Variants in SLC2A9 observed in about 807,000 individuals in gnomAD.
The protein encoded by SLC2A9 is solute carrier family 2, facilitated glucose transporter member 9.
In SLC2A9, 39 loss-of-function variants were observed where a neutral mutation model predicts 50.6. The observed-to-expected ratio is 0.77, with a 90% CI of 0.60 to 1.01. The LOEUF (loss-of-function observed/expected upper bound fraction) is 1.01. Among genes scored for constraint, SLC2A9 ranks in the 50% least tolerant of loss-of-function variants. The probability of loss-of-function intolerance (pLI) is 0.00; values close to 1 mark genes in which losing one functional copy is unlikely to be tolerated. For missense variants in SLC2A9, 686 were observed against 677.6 expected, an observed-to-expected ratio of 1.01 and a Z score of -0.14; for synonymous variants, 324 against 276.9, an observed-to-expected ratio of 1.17 and a Z score of -1.69.
intron 3 of SLC2A9, 34 bp downstream of exon 3, chr4:9,996,746 AG>A: frequency 1.9e-6 from 3 of 1,610,036 alleles, no homozygotes; most frequent in Non-Finnish European, 2.5e-6. Context: ...ATGAACATGG[AG>A]GGCACCCCCA....
At chr4:9,802,897 G>C (rs1485527216) in intron 3 of SLC2A9, among the ~76,000 whole-genome samples, 2 of 152,230 alleles carry the variant, frequency 1.3e-5, no homozygotes, top group East Asian at 3.9e-4. Context: ...CCTTATCCAG[G>C]AATATTTCCC....
intron 3 of SLC2A9, among the ~76,000 whole-genome samples, chr4:9,805,253 A>T (rs1721968642): frequency 6.6e-6 from 1 of 152,190 alleles, no homozygotes; most frequent in Admixed American, 6.5e-5. Context: ...CAACCTCTCC[A>T]TGGGACGCTG....
chr4:10,001,332 T>G (rs1759758604), intron 2 of SLC2A9, among the ~76,000 whole-genome samples: 1 of 152,150 alleles, frequency 6.6e-6, no homozygotes, highest in South Asian at 2.1e-4. Context: ...AATGTGGAGA[T>G]AGACAGGCAC....
At chr4:9,859,365 C>T (rs890001138) in intron 10 of SLC2A9, among the ~76,000 whole-genome samples, 2 of 152,176 alleles carry the variant, frequency 1.3e-5, no homozygotes, top group African/African-American at 4.8e-5. Flanking sequence ...ACAGTGTGGC[C>T]TTCCATGCAG....
Position 9,984,410 on chromosome 4 carries a change from ATG to A in SLC2A9, c.535+1257_535+1258del, listed in dbSNP as rs796948137. Among the ~76,000 whole-genome samples the A allele has an allele frequency of 4.4e-3, 676 of 152,148 alleles. 8 individuals carry two copies. Among genetic ancestry groups the A allele is most frequent in the African/African-American group, 0.016 (649 of 41,480 alleles). On this transcript the variant is annotated intron_variant, in intron 4 of 11. Transcript: ENST00000264784. ...GGTTCCAGGCAGTACATATGTGTAT[ATG>A]TGTGTGTGTGAGAGAGACAGAGAGA...
downstream of SLC2A9, among the ~76,000 whole-genome samples, chr4:9,824,666 C>T (rs1205966718): frequency 2.6e-5 from 4 of 152,090 alleles, no homozygotes; most frequent in Non-Finnish European, 5.9e-5. Context: ...CAGGTGAGGG[C>T]AGTATATTTT....
chr4:10,020,135 A>G (rs13106922), intron 1 of SLC2A9, among the ~76,000 whole-genome samples: 15,724 of 151,950 alleles, frequency 0.1, 1,426 homozygotes, highest in East Asian at 0.46. Context: ...ATATGGATCC[A>G]TGGTTCAGGG....
At chr4:9,862,614 C>A (rs944474621) in intron 10 of SLC2A9, among the ~76,000 whole-genome samples, 1 of 151,956 alleles carries the variant, frequency 6.6e-6, no homozygotes, top group African/African-American at 2.4e-5. Flanking sequence ...CAAGCGAGTT[C>A]CTGCCTCAGG....
Position 9,826,246 on chromosome 4 carries a change from T to C in SLC2A9, c.*151A>G. On this transcript the variant is annotated 3_prime_UTR_variant, in exon 12 of 12. Transcript: ENST00000264784. Reference sequence around the variant, plus strand: ...ATGTTAGATTAGTACAGGTTTACTTTTAAATATTTAATAATATAAAAGACT... The same window carrying C: ...ATGTTAGATTAGTACAGGTTTACTTCTAAATATTTAATAATATAAAAGACT... 1.4e-6 allele frequency: 1 copy of C among 739,764 alleles called. No individual in the cohort carries two copies. Among genetic ancestry groups the C allele is most frequent in the South Asian group, 1.7e-5 (1 of 57,228 alleles). 45.8% of individuals were successfully genotyped at this position (739,764 alleles called of 1,614,324 possible).
upstream of SLC2A9, chr4:10,026,111 C>T: frequency 1.3e-6 from 1 of 766,932 alleles, no homozygotes; most frequent in Non-Finnish European, 2.2e-6. Context: ...CTGTGAGGAG[C>T]TCTGGCTGGG....
chr4:9,906,364 G>A (rs965795201), intron 8 of SLC2A9, among the ~76,000 whole-genome samples: 2 of 152,156 alleles, frequency 1.3e-5, no homozygotes, highest in African/African-American at 2.4e-5. Context: ...TACTGGAGAA[G>A]GATAAATCGT....
At chr4:9,926,153 C>T (rs1189339040) in intron 6 of SLC2A9, among the ~76,000 whole-genome samples, 1 of 152,026 alleles carries the variant, frequency 6.6e-6, no homozygotes, top group Non-Finnish European at 1.5e-5. Flanking sequence ...GCAAGAGCCA[C>T]TTAAGGGACG....
chr4:9,949,768 C>G (rs775633534), intron 5 of SLC2A9, among the ~76,000 whole-genome samples: 7 of 152,180 alleles, frequency 4.6e-5, no homozygotes, highest in Non-Finnish European at 7.3e-5. Context: ...AGGTCCTATA[C>G]AGAACTCATC....
chr4:9,782,099 G>C (rs755160094), intron 3 of SLC2A9: 1 of 1,533,928 alleles, frequency 6.5e-7, no homozygotes, highest in East Asian at 2.3e-5. Context: ...GCTGGCGCAG[G>C]GGAACGCCGT....
chr4:9,826,628 C>G (rs1328336276), intron 11 of SLC2A9, 28 bp from the exon 12 acceptor site: 5 of 1,600,376 alleles, frequency 3.1e-6, no homozygotes, highest in Non-Finnish European at 3.4e-6. Flanking sequence ...CAAAAACCCT[C>G]AAATAGATAA....
intron 1 of SLC2A9, among the ~76,000 whole-genome samples, chr4:10,028,369 T>C (rs977526286): frequency 2.6e-4 from 40 of 152,204 alleles, no homozygotes; most frequent in Non-Finnish European, 1.6e-4. Context: ...GTTCTAAGAC[T>C]CAGACCCTCA....
chr4:9,793,815 T>C (rs565079679), intron 3 of SLC2A9, among the ~76,000 whole-genome samples: 23 of 152,292 alleles, frequency 1.5e-4, no homozygotes, highest in Admixed American at 1.3e-3. Flanking sequence ...CAGGCCTTTG[T>C]TGCTGCAAGC....
chr4:9,959,329 T>C (rs1295031841), intron 5 of SLC2A9, among the ~76,000 whole-genome samples: 21 of 151,502 alleles, frequency 1.4e-4, no homozygotes, highest in African/African-American at 4.8e-4. Context: ...GAGGCAGAGG[T>C]TGCAGTGAGC....
At chr4:9,877,243 C>A (rs117296899) in intron 10 of SLC2A9, among the ~76,000 whole-genome samples, 106 of 152,300 alleles carry the variant, frequency 7.0e-4, no homozygotes, top group East Asian at 6.4e-3. Context: ...CTTGTTTATT[C>A]ATTCAACAAG....
Sources: gnomAD v4.1 joint callset for allele counts (sites outside exome capture counted in the v4.1 genomes callset) on GRCh38, gnomAD v4.1.1 for gene constraint, MANE v1.5 for transcripts, NCBI Gene and HGNC (gene_info 2026-07-23, HGNC 2026-07-21) for gene names.